Variants in UBA52 observed in about 807,000 individuals in gnomAD.
UBA52 encodes the protein ubiquitin A-52 residue ribosomal protein fusion product 1.
UBA52 carries 1 observed loss-of-function variant against 15.3 expected under a neutral mutation model. That is an observed-to-expected ratio of 0.07 (90% CI 0.02 to 0.31). The LOEUF (loss-of-function observed/expected upper bound fraction) is 0.31, where lower values mean the gene tolerates loss of function less well. Ranked by LOEUF, UBA52 falls within the 10% of genes least tolerant of loss-of-function variation. UBA52 has a pLI of 1.00. For missense variants in UBA52, 87 were observed against 168.0 expected, an observed-to-expected ratio of 0.52 and a Z score of 2.66; for synonymous variants, 50 against 58.3, an observed-to-expected ratio of 0.86 and a Z score of 0.65.
intron 3 of UBA52, among the ~76,000 whole-genome samples, chr19:18,574,227 G>A (rs956721869): frequency 7.6e-6 from 1 of 131,930 alleles, no homozygotes. Flanking sequence ...AAAAAAAAAA[G>A]TCATAATGTG....
upstream of UBA52, chr19:18,571,760 G>T (rs1027288309): frequency 6.6e-6 from 1 of 152,296 alleles, no homozygotes; most frequent in African/African-American, 2.4e-5. Flanking sequence ...GCGGCAGGGC[G>T]GGGCCCAAGG....
intron 1 of UBA52, chr19:18,572,775 T>G: frequency 1.0e-6 from 1 of 997,878 alleles, no homozygotes; most frequent in Non-Finnish European, 1.2e-6. Flanking sequence ...AAGCTAAGAG[T>G]GTTGGGTGCT....
chr19:18,573,210 G>A, intron 1 of UBA52, 83 bp from the exon 2 acceptor site: 2 of 1,348,310 alleles, frequency 1.5e-6, no homozygotes, highest in Non-Finnish European at 2.1e-6. Flanking sequence ...CAAAGGGATA[G>A]CAACTGTGGT....
intron 1 of UBA52, chr19:18,573,021 C>T (rs1975582582): frequency 7.7e-7 from 1 of 1,294,174 alleles, no homozygotes; most frequent in South Asian, 1.6e-5. Context: ...AGGAGAATAA[C>T]CACAGTCTGT....
chr19:18,568,591 G>C (rs553456347), upstream of UBA52: 1 of 1,612,886 alleles, frequency 6.2e-7, no homozygotes, highest in Admixed American at 1.7e-5. Context: ...GCCATCAACG[G>C]CCGCAGCCAG....
chr19:18,573,905 C>CT (rs1975639005), intron 3 of UBA52, 157 bp downstream of exon 3: 2 of 689,998 alleles, frequency 2.9e-6, no homozygotes, highest in Non-Finnish European at 4.7e-6. Flanking sequence ...AATCCCGGCA[C>CT]TTTGGGAGGC....
chr19:18,565,790 C>T, the UBA52 span, among the ~76,000 whole-genome samples: 4 of 152,250 alleles, frequency 2.6e-5, no homozygotes, highest in Middle Eastern at 3.4e-3. Context: ...CAGGTTCAAG[C>T]GATTCTCCTG....
At chr19:18,571,310 C>CAAAA (rs756456955), upstream of UBA52, among the ~76,000 whole-genome samples, 567 of 108,174 alleles carry the variant, frequency 5.2e-3, 13 homozygotes, top group African/African-American at 0.019. Context: ...AACTCCGTCT[C>CAAAA]AAAAAAAAAA....
At position 18,572,970 on chromosome 19, in the gene UBA52, C is replaced by T. The variant is rs559653139; in HGVS notation, c.-8-323C>T. ...AAGATGATGCCAAAGGGTACTTATT[C>T]CATCAGGAGATACTGACGAGTCCTT... On this transcript the variant is annotated intron_variant, in intron 1 of 4. Coordinates refer to ENST00000442744, the MANE Select transcript of UBA52 (RefSeq NM_001033930.3). 2.2e-5 allele frequency: 26 copies of T among 1,169,056 alleles called. No homozygotes were observed. The East Asian group carries it at 1.5e-3, about 66-fold the overall frequency. 72.4% of individuals were successfully genotyped at this position (1,169,056 alleles called of 1,614,324 possible).
At position 18,576,838 on chromosome 19, in the gene UBA52, TTC is replaced by T. The variant is rs1287552012; in HGVS notation, c.*1690_*1691del. The T allele has an allele frequency of 6.6e-6, 1 of 151,864 alleles. No homozygotes were observed. The highest frequency in any genetic ancestry group is 2.4e-5 in the African/African-American group (1 of 41,322). The allele number at this position is 151,864 out of a possible 1,614,324, so 9.4% of individuals were successfully genotyped here. ...CACCACCACCACGCCTGGCTAGTTT[TTC>T]TGTTTTTAGTAGAGACAGGGTTTTG... On this transcript the variant is annotated 3_prime_UTR_variant, in exon 5 of 5. Coordinates refer to ENST00000442744, the MANE Select transcript of UBA52 (RefSeq NM_001033930.3).
At position 18,575,224 on chromosome 19, in the gene UBA52, C is replaced by G. The variant is rs5031054; in HGVS notation, c.*74C>G. 1 of 1,562,466 alleles carries G rather than the reference C, an allele frequency of 6.4e-7. No homozygotes were observed. Among genetic ancestry groups the G allele is most frequent in the Non-Finnish European group, 8.8e-7 (1 of 1,140,980 alleles). ...TGGAGCCTCAATAAAGTGTCCCTTT[C>G]ATTGACTGGAGCAGCAATTGGTGTC... On this transcript the variant is annotated 3_prime_UTR_variant, in exon 5 of 5. Transcript: ENST00000442744.
chr19:18,575,320 C>T lies in UBA52; in HGVS notation c.*170C>T, dbSNP rs965620041. Reference sequence around the variant, plus strand: ...CCCTTAGGGACTCTACTCAGCACTCCATTCTGTGCCACCTGTGGGGTCTTC... The same window carrying T: ...CCCTTAGGGACTCTACTCAGCACTCTATTCTGTGCCACCTGTGGGGTCTTC... On this transcript the variant is annotated 3_prime_UTR_variant, in exon 5 of 5. Coordinates refer to ENST00000442744, the MANE Select transcript of UBA52 (RefSeq NM_001033930.3). The T allele has an allele frequency of 1.4e-5, 10 of 696,108 alleles. No individual in the cohort carries two copies. The Admixed American group carries it at 1.8e-4, about 13-fold the overall frequency. The allele number at this position is 696,108 out of a possible 1,614,324, so 43.1% of individuals were successfully genotyped here. A position where few individuals can be genotyped will look rare whatever the true frequency, so the allele number is the denominator to read the frequency against.
intron 3 of UBA52, among the ~76,000 whole-genome samples, chr19:18,574,293 T>G (rs1975666942): frequency 6.6e-6 from 1 of 151,684 alleles, no homozygotes; most frequent in Non-Finnish European, 1.5e-5. Flanking sequence ...GCGACAAGAA[T>G]TCAGTGTCCT....
upstream of UBA52, chr19:18,567,023 C>A: frequency 1.1e-6 from 1 of 918,556 alleles, no homozygotes; most frequent in South Asian, 1.4e-5. Flanking sequence ...TGGGGGTTCT[C>A]ACTCCCGTCT....
In UBA52 at chr19:18,574,935, G is replaced by C; in HGVS notation, c.256G>C (p.Ala86Pro). 1 of 1,614,158 alleles carries C rather than the reference G, an allele frequency of 6.2e-7. No individual in the cohort carries two copies. Among genetic ancestry groups the C allele is most frequent in the Non-Finnish European group, 8.5e-7 (1 of 1,180,034 alleles). Residue 86 changes from alanine (A) to proline (P), a missense_variant, in exon 4 of 5, where the codon GCC becomes CCC. Transcript: ENST00000442744. The part of the protein sequence containing the change: ...GIIEPSLRQL[A>P]QKYNCDKMIC... ...TATTGAGCCTTCTCTCCGCCAGCTT[G>C]CCCAGAAATACAACTGCGACAAGAT...
the UBA52 span, chr19:18,565,158 G>C: frequency 6.9e-7 from 1 of 1,455,550 alleles, no homozygotes; most frequent in Non-Finnish European, 9.0e-7. Context: ...TTAAGTGTCT[G>C]GGACAATTCC....
upstream of UBA52, among the ~76,000 whole-genome samples, chr19:18,570,234 T>C (rs1482486701): frequency 6.6e-6 from 1 of 151,712 alleles, no homozygotes; most frequent in Non-Finnish European, 1.5e-5. Flanking sequence ...ACAGCACCTC[T>C]CTGTTGCCCA....
the UBA52 span, among the ~76,000 whole-genome samples, chr19:18,564,175 A>G: frequency 0.68 from 103,438 of 151,530 alleles, 36,555 homozygotes; most frequent in African/African-American, 0.89. Flanking sequence ...ATGAGCCCCC[A>G]TGCCCGGCTG....
At chr19:18,573,247 G>A (rs1032576185) in intron 1 of UBA52, 46 bp from the exon 2 acceptor site, 1 of 1,567,744 alleles carries the variant, frequency 6.4e-7, no homozygotes, top group Non-Finnish European at 8.8e-7. Context: ...GTGCTACTCA[G>A]GCATGCATTG....
Sources: gnomAD v4.1 joint callset for allele counts (sites outside exome capture counted in the v4.1 genomes callset) on GRCh38, gnomAD v4.1.1 for gene constraint, MANE v1.5 for transcripts, NCBI Gene and HGNC (gene_info 2026-07-23, HGNC 2026-07-21) for gene names.